Variants in KRT85 observed in about 807,000 individuals in gnomAD.
KRT85 encodes keratin, type II cuticular Hb5.
A neutral mutation model predicts 53.7 loss-of-function variants in KRT85; 39 were observed. The observed-to-expected ratio is 0.73, with a 90% CI of 0.56 to 0.95. The LOEUF (loss-of-function observed/expected upper bound fraction) is 0.95. Ranked by LOEUF, KRT85 falls within the 40% of genes least tolerant of loss-of-function variation. The pLI is 0.00. For missense variants in KRT85, 668 were observed against 686.0 expected, an observed-to-expected ratio of 0.97 and a Z score of 0.29; for synonymous variants, 291 against 277.5, an observed-to-expected ratio of 1.05 and a Z score of -0.48.
At chr12:52,364,821 A>C in intron 2 of KRT85, 141 bp downstream of exon 2, 1 of 1,489,496 alleles carries the variant, frequency 6.7e-7, no homozygotes, top group South Asian at 1.2e-5. Flanking sequence ...GAAGAAATCT[A>C]GGCCCCACTG....
Position 52,367,260 on chromosome 12 carries a change from G to A in KRT85, c.146C>T (p.Thr49Met), listed in dbSNP as rs2121411549. The A allele has an allele frequency of 1.2e-6, 2 of 1,612,164 alleles. No homozygotes were observed. Among genetic ancestry groups the A allele is most frequent in the African/African-American group, 1.3e-5 (1 of 75,018 alleles). ...YRGVSCYRGL[T>M]GFGSRSLCNL... ...GCAGAGGCTGCGGCTGCCGAAGCCC[G>A]TCAGCCCTCGGTAGCAGGACACCCC... The change falls in exon 1 of 9, where the codon ACG (threonine) becomes ATG (methionine). Residue 49 changes from threonine to methionine, a missense_variant. By Grantham distance (81) the Thr-to-Met change is moderately conservative (BLOSUM62 -1). Around this residue, in one of 3 missense-constraint regions of KRT85, gnomAD observed 158 missense variants for 141.8 expected, o/e 1.11. Transcript: ENST00000257901.
chr12:52,361,399 A>T, intron 8 of KRT85, 68 bp downstream of exon 8: 1 of 1,392,924 alleles, frequency 7.2e-7, no homozygotes, highest in Non-Finnish European at 1.0e-6. Flanking sequence ...TCCATGGGTT[A>T]GGCCAATGAG....
intron 2 of KRT85, chr12:52,364,715 A>G (rs552459104): frequency 2.1e-6 from 3 of 1,414,508 alleles, no homozygotes; most frequent in Admixed American, 2.6e-5. Flanking sequence ...GGACATAGAG[A>G]GTGCTAGAAT....
rs909887992 is a variant in KRT85, at chr12:52,367,120, T to C, written c.286A>G (p.Thr96Ala). 1.1e-4 allele frequency: 173 copies of C among 1,613,208 alleles called. No individual in the cohort carries two copies. Among genetic ancestry groups the C allele is most frequent in the Middle Eastern group, 1.8e-4 (1 of 5,452 alleles). ...AGGCTCTCGTTGACCGACACGGTAG[T>C]GATGCATGGGGGGCTGGGTCCGCAC... The part of the protein sequence containing the change: ...GVCGPSPPCI[T>A]TVSVNESLLT... Residue 96 changes from threonine (T) to alanine (A), a missense_variant, in exon 1 of 9, where the codon ACT becomes GCT. Around this residue, in one of 3 missense-constraint regions of KRT85, gnomAD observed 158 missense variants for 141.8 expected, o/e 1.11. Transcript: ENST00000257901.
At chr12:52,366,747 T>C (rs1290480542) in intron 1 of KRT85, among the ~76,000 whole-genome samples, 1 of 151,798 alleles carries the variant, frequency 6.6e-6, no homozygotes, top group Non-Finnish European at 1.5e-5. Flanking sequence ...CACACACATG[T>C]ACACACACAC....
intron 8 of KRT85, 53 bp from the exon 9 acceptor site, chr12:52,361,099 C>G: frequency 6.7e-7 from 1 of 1,484,170 alleles, no homozygotes. Flanking sequence ...ATCTCACCCA[C>G]CCTACAACAG....
At chr12:52,361,154 T>A in intron 8 of KRT85, 108 bp from the exon 9 acceptor site, 1 of 969,808 alleles carries the variant, frequency 1.0e-6, no homozygotes, top group Non-Finnish European at 1.6e-6. Flanking sequence ...AAGGAATTGG[T>A]GGTCAACAAT....
intron 7 of KRT85, 118 bp downstream of exon 7, chr12:52,362,133 T>C (rs895128423): frequency 8.5e-7 from 1 of 1,172,296 alleles, no homozygotes; most frequent in Non-Finnish European, 1.3e-6. Flanking sequence ...ATTATTATTA[T>C]TGAAGCTATT....
At chr12:52,366,745 T>G (rs561954347) in intron 1 of KRT85, among the ~76,000 whole-genome samples, 1 of 151,504 alleles carries the variant, frequency 6.6e-6, no homozygotes, top group South Asian at 2.1e-4. Flanking sequence ...CACACACACA[T>G]GTACACACAC....
Position 52,360,738 on chromosome 12 carries a change from G to C in KRT85, c.*115C>G, listed in dbSNP as rs776172368. 8.0e-7 allele frequency: 1 copy of C among 1,242,878 alleles called. No homozygotes were observed. 77.0% of individuals were successfully genotyped at this position (1,242,878 alleles called of 1,614,324 possible). A position where few individuals can be genotyped will look rare whatever the true frequency, so the allele number is the denominator to read the frequency against. On this transcript the variant is annotated 3_prime_UTR_variant, in exon 9 of 9. Coordinates refer to ENST00000257901, the MANE Select transcript of KRT85 (RefSeq NM_002283.4). ...TTTCCCTCTGTAGGTCTTTCCCTCT[G>C]TAGGAACATCCAGAAGATTCTGGAA... is the stretch of plus-strand genomic sequence containing the variant.
At position 52,367,442 on chromosome 12, in the gene KRT85, G is replaced by A; in HGVS notation, c.-37C>T. The A allele has an allele frequency of 1.2e-6, 2 of 1,609,998 alleles. No individual in the cohort carries two copies. Among genetic ancestry groups the A allele is most frequent in the Non-Finnish European group, 1.7e-6 (2 of 1,177,334 alleles). On this transcript the variant is annotated 5_prime_UTR_variant, in exon 1 of 9. Coordinates refer to ENST00000257901, the MANE Select transcript of KRT85 (RefSeq NM_002283.4). ...GAGCAGAGTCTGAGAGGCAGCGGAA[G>A]GTGGTGCGGGCGGCAGAGTGCGAGG...
At chr12:52,364,873 G>C (rs533769977) in intron 2 of KRT85, 89 bp downstream of exon 2, 1 of 1,607,094 alleles carries the variant, frequency 6.2e-7, no homozygotes, top group South Asian at 1.1e-5. Flanking sequence ...AGAGGAATCT[G>C]AAAGAAGCTG....
rs1361258155 is a variant in KRT85, at chr12:52,364,137, T to C, written c.717A>G (p.Lys239=). ...KKDVDCAYLR[K]SDLEANVEAL... is the part of the protein sequence containing the mutation. ...CCTCCACATTGGCCTCCAGGTCTGA[T>C]TTCCGCAGGTAGGCACAGTCCACGT... Residue 239 remains lysine (K), a synonymous_variant, in exon 4 of 9, where the codon AAA becomes AAG. Transcript: ENST00000257901. The C allele has an allele frequency of 1.9e-6, 3 of 1,614,048 alleles. No individual in the cohort carries two copies. The highest frequency in any genetic ancestry group is 1.3e-5 in the African/African-American group (1 of 74,914).
Position 52,364,062 on chromosome 12 carries a change from C to T in KRT85, c.786+6G>A, listed in dbSNP as rs752891639. ...TGCCCTGGCTGGGTGGCAGTTGCCC[C>T]CTTACCTCTTCATAGAGGCGCCTCA... On this transcript the variant is annotated splice_donor_region_variant and intron_variant, in intron 4 of 8. Transcript: ENST00000257901. 4.3e-6 allele frequency: 7 copies of T among 1,612,310 alleles called. No homozygotes were observed. In the South Asian group the frequency reaches 4.4e-5, roughly 10 times the overall value.
At chr12:52,361,618 G>A in intron 7 of KRT85, 120 bp from the exon 8 acceptor site, 1 of 879,226 alleles carries the variant, frequency 1.1e-6, no homozygotes, top group Non-Finnish European at 1.9e-6. Flanking sequence ...AAGGCAAGAA[G>A]GGCTCCCTCA....
chr12:52,361,254 C>T (rs1939186916), intron 8 of KRT85, among the ~76,000 whole-genome samples: 1 of 152,214 alleles, frequency 6.6e-6, no homozygotes, highest in Admixed American at 6.5e-5. Flanking sequence ...GCAAAGCTGC[C>T]AGGCCACAGG....
At chr12:52,365,224 G>A (rs1407201675) in intron 1 of KRT85, 54 bp from the exon 2 acceptor site, 8 of 1,560,572 alleles carry the variant, frequency 5.1e-6, no homozygotes, top group Non-Finnish European at 6.2e-6. Context: ...GAGGCACCTG[G>A]TCCCCCACAG....
Position 52,365,141 on chromosome 12 carries a change from C to A in KRT85, c.450G>T (p.Leu150=), listed in dbSNP as rs776563507. Residue 150 remains leucine, a synonymous_variant, in exon 2 of 9, where the codon CTG becomes CTT. Coordinates refer to ENST00000257901, the MANE Select transcript of KRT85 (RefSeq NM_002283.4). The stretch of plus-strand genomic sequence containing the variant: ...GGTAGAACTGCCACTTGGTCTCCAG[C>A]AGCTTGTTCTGCTGCTCCAGGAAGC... ...KVRFLEQQNK[L]LETKWQFYQN... The A allele has an allele frequency of 1.9e-6, 3 of 1,614,256 alleles. No homozygotes were observed. Among genetic ancestry groups the A allele is most frequent in the South Asian group, 1.1e-5 (1 of 91,090 alleles).
chr12:52,364,316 A>G lies in KRT85; in HGVS notation c.680T>C (p.Val227Ala), dbSNP rs773537639. ...TGACCAGCCCCTCACCTTCTTTAGA[A>G]CGACAAACTCATTCTCTGCTGTGGC... Reference protein sequence around the residue: ...LRATAENEFVVLKKDVDCAYL... With the variant: ...LRATAENEFVALKKDVDCAYL... The change falls in exon 3 of 9, where the codon GTT becomes GCT. Residue 227 changes from valine (V) to alanine (A), a missense_variant. Val to Ala is a moderately conservative substitution (Grantham distance 64, BLOSUM62 0). Transcript: ENST00000257901. The G allele has an allele frequency of 5.6e-6, 9 of 1,613,964 alleles. No individual in the cohort carries two copies. In the Admixed American group the frequency reaches 1.2e-4, roughly 21 times the overall value.
Sources: allele counts gnomAD v4.1 joint callset (sites outside exome capture counted in the v4.1 genomes callset), GRCh38; gene constraint gnomAD v4.1.1; regional missense constraint gnomAD v4.1.1; transcripts MANE v1.5; gene names NCBI Gene and HGNC (gene_info 2026-07-23, HGNC 2026-07-21).